GAS7: variants seen among roughly 807,000 people sequenced by gnomAD.
GAS7 encodes the protein growth arrest specific 7, also known as growth arrest-specific protein 7.
Under a neutral mutation model 71.1 loss-of-function variants are expected in GAS7, and 28 were observed. The ratio of observed to expected loss-of-function variants is 0.39; its 90% CI spans 0.29 to 0.54. The LOEUF is 0.54. GAS7 is among the 20% of genes least tolerant of loss of function. The probability of loss-of-function intolerance (pLI) is 0.62; values close to 1 mark genes in which losing one functional copy is unlikely to be tolerated. For missense variants in GAS7, 436 were observed against 627.8 expected (o/e 0.69, Z 3.27); for synonymous variants, 258 against 245.8 (o/e 1.05, Z -0.46).
Position 9,916,377 on chromosome 17 carries a change from C to G in GAS7, c.*851G>C. ...GCTGGTTTGTTTCCATCCCTGAAGC[C>G]TTTGGACGAGCTGGATGAGGTCTTG... is the stretch of plus-strand genomic sequence containing the variant. On this transcript the variant is annotated 3_prime_UTR_variant, in exon 14 of 14. Transcript: ENST00000432992. 1 of 233,346 alleles carries G rather than the reference C, an allele frequency of 4.3e-6. No homozygotes were observed. Among genetic ancestry groups the G allele is most frequent in the African/African-American group, 2.2e-5 (1 of 45,454 alleles). 14.5% of individuals were successfully genotyped at this position (233,346 alleles called of 1,614,324 possible).
At chr17:10,009,021 T>C (rs1015438051) in intron 2 of GAS7, among the ~76,000 whole-genome samples, 1 of 152,144 alleles carries the variant, frequency 6.6e-6, no homozygotes, top group Non-Finnish European at 1.5e-5. Flanking sequence ...CAAAGAAAAG[T>C]TAAAAGTGTT....
chr17:10,109,087 T>G (rs563246921), intron 1 of GAS7, among the ~76,000 whole-genome samples: 112 of 151,858 alleles, frequency 7.4e-4, no homozygotes, highest in African/African-American at 2.6e-3. Context: ...GAGGGACTAA[T>G]AGCCAGAATA....
At chr17:10,046,901 A>G (rs1202543534) in intron 1 of GAS7, among the ~76,000 whole-genome samples, 5 of 151,282 alleles carry the variant, frequency 3.3e-5, no homozygotes, top group Non-Finnish European at 7.4e-5. Context: ...AGAAAAGAAA[A>G]TCTTGCAAAC....
At chr17:10,125,301 G>A (rs896042617) in intron 1 of GAS7, among the ~76,000 whole-genome samples, 3 of 152,178 alleles carry the variant, frequency 2.0e-5, no homozygotes, top group Non-Finnish European at 4.4e-5. Context: ...ATGGCTTACT[G>A]GAGGTCAGGA....
chr17:9,921,157 CTTT>C (rs962798348), intron 11 of GAS7, among the ~76,000 whole-genome samples: 2 of 137,400 alleles, frequency 1.5e-5, no homozygotes, highest in Non-Finnish European at 1.6e-5. Context: ...GCATTTTTTT[CTTT>C]TTTTTTTTTT....
At chr17:9,933,442 G>C (rs2152082741) in intron 9 of GAS7, among the ~76,000 whole-genome samples, 1 of 152,234 alleles carries the variant, frequency 6.6e-6, no homozygotes, top group Non-Finnish European at 1.5e-5. Context: ...TGGCTCCCAA[G>C]AGCTGAATGT....
At chr17:10,065,545 T>C (rs2073273036) in intron 1 of GAS7, among the ~76,000 whole-genome samples, 1 of 152,184 alleles carries the variant, frequency 6.6e-6, no homozygotes, top group South Asian at 2.1e-4. Flanking sequence ...ATCATACCCT[T>C]TGTCTTCTAT....
intron 1 of GAS7, among the ~76,000 whole-genome samples, chr17:10,111,547 A>C (rs2073813388): frequency 9.3e-6 from 1 of 107,372 alleles, no homozygotes; most frequent in African/African-American, 3.2e-5. Flanking sequence ...AAACAAACAA[A>C]CAAACAAACA....
chr17:9,937,684 C>G (rs777655644), intron 8 of GAS7, among the ~76,000 whole-genome samples: 5 of 152,228 alleles, frequency 3.3e-5, no homozygotes, highest in Non-Finnish European at 7.3e-5. Context: ...TTGGCAAAAT[C>G]TCAGTCTCCT....
chr17:10,073,106 T>C (rs184255865), intron 1 of GAS7, among the ~76,000 whole-genome samples: 6 of 152,256 alleles, frequency 3.9e-5, no homozygotes, highest in Non-Finnish European at 2.9e-5. Flanking sequence ...GGGATTTTGA[T>C]TGCATACACA....
chr17:10,033,861 CG>C (rs2072682955), intron 1 of GAS7, among the ~76,000 whole-genome samples: 1 of 152,190 alleles, frequency 6.6e-6, no homozygotes, highest in Non-Finnish European at 1.5e-5. Flanking sequence ...GCAGTGCCTA[CG>C]GCCTGTGCTC....
chr17:10,116,986 C>T (rs573879970), intron 1 of GAS7, among the ~76,000 whole-genome samples: 2 of 152,262 alleles, frequency 1.3e-5, no homozygotes, highest in East Asian at 1.9e-4. Context: ...CCTGAGGCTG[C>T]TGTAACAAAT....
chr17:10,046,435 A>G (rs2072957607), intron 1 of GAS7, among the ~76,000 whole-genome samples: 3 of 151,018 alleles, frequency 2.0e-5, no homozygotes, highest in African/African-American at 7.3e-5. Context: ...CCAATGAAGG[A>G]AATGCAGAAA....
At chr17:10,009,384 T>C (rs1010216556) in intron 2 of GAS7, among the ~76,000 whole-genome samples, 9 of 149,412 alleles carry the variant, frequency 6.0e-5, no homozygotes, top group Middle Eastern at 3.4e-3. Flanking sequence ...GTTCCTGGCA[T>C]AATAAAGTTA....
intron 1 of GAS7, chr17:10,036,888 G>T: frequency 3.8e-6 from 1 of 262,006 alleles, no homozygotes; most frequent in Non-Finnish European, 6.5e-6. Flanking sequence ...GACAAGGGCA[G>T]CTTTGTCCAC....
At chr17:10,156,541 A>G (rs748704789) in intron 1 of GAS7, among the ~76,000 whole-genome samples, 31 of 152,220 alleles carry the variant, frequency 2.0e-4, no homozygotes, top group Non-Finnish European at 4.0e-4. Flanking sequence ...GTCGGGAGCT[A>G]GCTTTGGCCC....
rs559399660 is a variant in GAS7 at position 9,974,822 on chromosome 17, C to T, written c.386-5060G>A. 3.3e-5 allele frequency among the ~76,000 whole-genome samples: 5 copies of T among 152,230 alleles called. No individual in the cohort carries two copies. In the South Asian group the frequency reaches 1.0e-3, roughly 32 times the overall value. On this transcript the variant is annotated intron_variant, in intron 3 of 13. Transcript: ENST00000432992. This position sits in a 1 kb window ranked among gnomAD's most constrained non-coding sequence, Gnocchi z 4.0. ...GAAAGGCCAAGCAACAAAGAAGCGC[C>T]AGCAGCTCCGCCACCCAGGGCTCAC...
chr17:9,941,422 A>G (rs897843619), intron 7 of GAS7, among the ~76,000 whole-genome samples: 15 of 152,196 alleles, frequency 9.9e-5, no homozygotes, highest in African/African-American at 3.6e-4. Context: ...TCTCACCTCC[A>G]GGACGACAGC....
intron 1 of GAS7, among the ~76,000 whole-genome samples, chr17:10,135,372 C>A (rs1221032229): frequency 1.3e-5 from 2 of 152,164 alleles, no homozygotes; most frequent in Non-Finnish European, 2.9e-5. Context: ...GGCCCACCTC[C>A]AGAGTCAAGT....
Sources: gnomAD v4.1 joint callset for allele counts (sites outside exome capture counted in the v4.1 genomes callset) on GRCh38, gnomAD v4.1.1 for gene constraint, Gnocchi (gnomAD v3.1) non-coding constraint, MANE v1.5 for transcripts, NCBI Gene and HGNC (gene_info 2026-07-23, HGNC 2026-07-21) for gene names.